CYB5RL: variants seen among roughly 807,000 people sequenced by gnomAD.
CYB5RL encodes the protein NADH-cytochrome b5 reductase-like.
CYB5RL carries 38 observed loss-of-function variants against 37.5 expected under a neutral mutation model. That is an observed-to-expected ratio of 1.01 (90% CI 0.78 to 1.33). The LOEUF (loss-of-function observed/expected upper bound fraction) is 1.33. CYB5RL is among the 40% of genes most tolerant of loss of function. CYB5RL has a pLI of 0.00. For synonymous variants in CYB5RL, 141 were observed against 151.9 expected (o/e 0.93, Z 0.53); for missense variants, 388 against 394.4 (o/e 0.98, Z 0.14).
chr1:54,199,633 GC>G (rs1264772026), intron 1 of CYB5RL, among the ~76,000 whole-genome samples: 1 of 152,208 alleles, frequency 6.6e-6, no homozygotes, highest in Admixed American at 6.5e-5. Flanking sequence ...CTCTGTCCTT[GC>G]TTCTAGGAGG....
intron 4 of CYB5RL, among the ~76,000 whole-genome samples, chr1:54,188,885 T>C (rs756628626): frequency 6.6e-6 from 1 of 152,168 alleles, no homozygotes; most frequent in Non-Finnish European, 1.5e-5. Flanking sequence ...GACAGAAATA[T>C]TTAATAAATG....
At chr1:54,196,825 G>GA in intron 1 of CYB5RL, among the ~76,000 whole-genome samples, 1 of 152,282 alleles carries the variant, frequency 6.6e-6, no homozygotes, top group East Asian at 1.9e-4. Flanking sequence ...TTCAATCACA[G>GA]GAAACAGAAG....
At chr1:54,176,218 C>A (rs1043472596) in intron 7 of CYB5RL, among the ~76,000 whole-genome samples, 1 of 152,130 alleles carries the variant, frequency 6.6e-6, no homozygotes, top group Non-Finnish European at 1.5e-5. Context: ...TGAGGAGAGG[C>A]CTCTATTCTG....
At chr1:54,178,545 G>A (rs572148048) in intron 7 of CYB5RL, among the ~76,000 whole-genome samples, 19 of 152,304 alleles carry the variant, frequency 1.2e-4, no homozygotes, top group Middle Eastern at 3.4e-3. Flanking sequence ...GGAGTCAGAG[G>A]GAGGAGGGGT....
chr1:54,191,681 C>T (rs1412336673), intron 3 of CYB5RL, among the ~76,000 whole-genome samples: 2 of 152,234 alleles, frequency 1.3e-5, no homozygotes, highest in Admixed American at 1.3e-4. Flanking sequence ...AACTCTGGAA[C>T]CCCAGTTACC....
intron 7 of CYB5RL, among the ~76,000 whole-genome samples, chr1:54,177,779 TC>T (rs775100349): frequency 1.3e-5 from 2 of 152,344 alleles, no homozygotes; most frequent in Admixed American, 6.5e-5. Flanking sequence ...GGAGTCCTTT[TC>T]AGCCGTCTCT....
intron 5 of CYB5RL, chr1:54,186,109 T>C (rs956491999): frequency 6.5e-6 from 1 of 153,166 alleles, no homozygotes; most frequent in Non-Finnish European, 1.5e-5. Context: ...GGTATGTCCT[T>C]ATCAGCAGCG....
At chr1:54,183,284 A>C (rs1660209587) in intron 6 of CYB5RL, among the ~76,000 whole-genome samples, 1 of 152,238 alleles carries the variant, frequency 6.6e-6, no homozygotes, top group Non-Finnish European at 1.5e-5. Flanking sequence ...ATTATAAATA[A>C]AGATGCAATG....
intron 1 of CYB5RL, among the ~76,000 whole-genome samples, chr1:54,197,845 C>A (rs1570127555): frequency 6.6e-6 from 1 of 151,772 alleles, no homozygotes; most frequent in Non-Finnish European, 1.5e-5. Flanking sequence ...CACGGTGAAA[C>A]CCCGTCTCTG....
rs771437138 is a variant in CYB5RL at position 54,179,279 on chromosome 1, T to G, written c.614A>C (p.Asp205Ala). The G allele has an allele frequency of 1.2e-6, 2 of 1,613,886 alleles. No individual in the cohort carries two copies. The highest frequency in any genetic ancestry group is 2.2e-5 in the South Asian group (2 of 91,026). Reference sequence around the variant, plus strand: ...GACAAAAGTCTCGTCATTCTCATTGTCTGTGATGCTCTGCAGGATAGGCAC... The same window carrying G: ...GACAAAAGTCTCGTCATTCTCATTGGCTGTGATGCTCTGCAGGATAGGCAC... ...PMVPILQSIT[D>A]NENDETFVTL... The change falls in exon 7 of 8, where the codon GAC becomes GCC. Residue 205 changes from aspartate (D) to alanine (A), a missense_variant. Coordinates refer to ENST00000534324, the MANE Select transcript of CYB5RL (RefSeq NM_001031672.4).
rs373238559 is a variant in CYB5RL, at chr1:54,187,615, C to G, written c.435+37G>C. ...CTCCATTCTTAGACCCATAGCTTCT[C>G]CACGGCATCTTGGAGCATCCTCAAG... On this transcript the variant is annotated intron_variant, in intron 5 of 7. Coordinates refer to ENST00000534324, the MANE Select transcript of CYB5RL (RefSeq NM_001031672.4). The G allele has an allele frequency of 3.2e-4, 507 of 1,597,436 alleles. 3 individuals carry two copies. Among genetic ancestry groups the G allele is most frequent in the Non-Finnish European group, 1.7e-4 (194 of 1,165,278 alleles).
At chr1:54,185,629 G>C (rs1052785708) in intron 5 of CYB5RL, 11 of 152,248 alleles carry the variant, frequency 7.2e-5, no homozygotes, top group Non-Finnish European at 1.5e-4. Flanking sequence ...GGCTCAACTG[G>C]AAGGGGTCTA....
chr1:54,184,280 A>T lies in CYB5RL; in HGVS notation c.436-15T>A. 6.2e-7 allele frequency: 1 copy of T among 1,609,856 alleles called. No homozygotes were observed. Among genetic ancestry groups the T allele is most frequent in the Non-Finnish European group, 8.5e-7 (1 of 1,177,190 alleles). On this transcript the variant is annotated splice_polypyrimidine_tract_variant and intron_variant, in intron 5 of 7. Coordinates refer to ENST00000534324, the MANE Select transcript of CYB5RL (RefSeq NM_001031672.4). The stretch of plus-strand genomic sequence containing the variant: ...ATCTGGTAGCACTGGAAGCAAACAC[A>T]GGGAGACGTCAGCGGGACAGGTACA...
chr1:54,182,645 G>T lies in CYB5RL; in HGVS notation c.540+1516C>A, dbSNP rs945287850. 6.6e-5 allele frequency among the ~76,000 whole-genome samples: 10 copies of T among 152,258 alleles called. No individual in the cohort carries two copies. The South Asian group carries it at 2.1e-3, about 32-fold the overall frequency. On this transcript the variant is annotated intron_variant, in intron 6 of 7. Transcript: ENST00000534324. ...GCTCATTGCAACCTCTGCCTTCTGG[G>T]TTCAAATGATTCTCATGCCTCGGCC...
At chr1:54,177,234 C>A (rs541699165) in intron 7 of CYB5RL, among the ~76,000 whole-genome samples, 4 of 152,104 alleles carry the variant, frequency 2.6e-5, no homozygotes, top group African/African-American at 9.6e-5. Flanking sequence ...TACGGGGAGA[C>A]TCTTGAGGAT....
At position 54,171,006 on chromosome 1, in the gene CYB5RL, TA is replaced by T. The variant is rs1659877999; in HGVS notation, c.*3612del. 1 of 392,922 alleles carries T rather than the reference TA, an allele frequency of 2.5e-6. No individual in the cohort carries two copies. Among genetic ancestry groups the T allele is most frequent in the African/African-American group, 2.1e-5 (1 of 48,648 alleles). The allele number at this position is 392,922 out of a possible 1,614,324, so 24.3% of individuals were successfully genotyped here. A position where few individuals can be genotyped will look rare whatever the true frequency, so the allele number is the denominator to read the frequency against. On this transcript the variant is annotated 3_prime_UTR_variant, in exon 8 of 8. Coordinates refer to ENST00000534324, the MANE Select transcript of CYB5RL (RefSeq NM_001031672.4). ...GGAAGTGCTGAGCATCCTCCCCTGT[TA>T]GGGGTACAATGGGCCGGCCCTCATG... is the stretch of plus-strand genomic sequence containing the variant.
chr1:54,191,582 A>G (rs1043543874), intron 3 of CYB5RL, among the ~76,000 whole-genome samples: 1 of 152,110 alleles, frequency 6.6e-6, no homozygotes, highest in Non-Finnish European at 1.5e-5. Context: ...GAATGCTGTG[A>G]CTCACAGATC....
Position 54,173,605 on chromosome 1 carries a change from AT to A in CYB5RL, c.*1013del, listed in dbSNP as rs1557716418. 6.6e-6 allele frequency: 1 copy of A among 152,282 alleles called. No homozygotes were observed. The highest frequency in any genetic ancestry group is 2.4e-5 in the African/African-American group (1 of 41,456). 9.4% of individuals were successfully genotyped at this position (152,282 alleles called of 1,614,324 possible). ...TTGATATGGTGAAGAGTACATTTCT[AT>A]GACTATAAAAGTCTAACTCTAAGAT... is the stretch of plus-strand genomic sequence containing the variant. On this transcript the variant is annotated 3_prime_UTR_variant, in exon 8 of 8. Transcript: ENST00000534324.
chr1:54,179,464 C>G lies in CYB5RL; in HGVS notation c.541-112G>C, dbSNP rs1660105348. 4 of 1,099,338 alleles carry G rather than the reference C, an allele frequency of 3.6e-6. No individual in the cohort carries two copies. In the African/African-American group the frequency reaches 6.2e-5, roughly 17 times the overall value. 68.1% of individuals were successfully genotyped at this position (1,099,338 alleles called of 1,614,324 possible). A position where few individuals can be genotyped will look rare whatever the true frequency, so the allele number is the denominator to read the frequency against. On this transcript the variant is annotated intron_variant, in intron 6 of 7. Coordinates refer to ENST00000534324, the MANE Select transcript of CYB5RL (RefSeq NM_001031672.4). ...CTTCAACTGGACGGCAGTGCCCTTC[C>G]TTGGTGTCCAACCACCTATGTCCCC...
Sources: gnomAD v4.1 joint callset for allele counts (sites outside exome capture counted in the v4.1 genomes callset) on GRCh38, gnomAD v4.1.1 for gene constraint, MANE v1.5 for transcripts, NCBI Gene and HGNC (gene_info 2026-07-23, HGNC 2026-07-21) for gene names.